SEL1L3: variants seen among roughly 807,000 people sequenced by gnomAD.
SEL1L3 encodes the protein SEL1L family member 3.
SEL1L3 carries 76 observed loss-of-function variants against 142.8 expected under a neutral mutation model. The ratio of observed to expected loss-of-function variants is 0.53; its 90% CI spans 0.44 to 0.64. The LOEUF (loss-of-function observed/expected upper bound fraction) is 0.64, where lower values mean the gene tolerates loss of function less well. SEL1L3 is among the 30% of genes least tolerant of loss of function. SEL1L3 has a pLI of 0.00. For synonymous variants in SEL1L3, 504 were observed against 519.6 expected, an observed-to-expected ratio of 0.97 and a Z score of 0.41; for missense variants, 1,262 against 1,381.7, an observed-to-expected ratio of 0.91 and a Z score of 1.37.
chr4:25,779,204 C>G lies in SEL1L3; in HGVS notation c.2458-1G>C. On this transcript the variant is annotated splice_acceptor_variant, in intron 15 of 23. Coordinates refer to ENST00000399878, the MANE Select transcript of SEL1L3 (RefSeq NM_015187.5). LOFTEE classifies it high-confidence loss of function. ...TATGGAAATATTCACCAGCTAAAGT[C>G]TGTAACAAGAGATGAACAAACATCG... The G allele has an allele frequency of 6.2e-7, 1 of 1,612,890 alleles. No homozygotes were observed. The highest frequency in any genetic ancestry group is 8.5e-7 in the Non-Finnish European group (1 of 1,179,256).
chr4:25,762,755 G>A (rs557896723), intron 20 of SEL1L3, among the ~76,000 whole-genome samples: 6 of 152,144 alleles, frequency 3.9e-5, no homozygotes, highest in Admixed American at 2.6e-4. Flanking sequence ...CAAGGTGGGC[G>A]GATCACGAGG....
intron 4 of SEL1L3, 60 bp downstream of exon 4, chr4:25,833,388 T>C: frequency 1.3e-6 from 2 of 1,500,098 alleles, no homozygotes; most frequent in Non-Finnish European, 1.8e-6. Context: ...GACATATCTG[T>C]CACTAGGCAG....
At chr4:25,782,058 C>T (rs372269831) in intron 15 of SEL1L3, among the ~76,000 whole-genome samples, 184 bp downstream of exon 15, 3 of 152,332 alleles carry the variant, frequency 2.0e-5, no homozygotes, top group African/African-American at 7.2e-5. Context: ...TTGCCACACA[C>T]TTGGCACTTG....
chr4:25,839,841 G>C (rs1015038513), intron 2 of SEL1L3, among the ~76,000 whole-genome samples: 1 of 152,084 alleles, frequency 6.6e-6, no homozygotes, highest in Non-Finnish European at 1.5e-5. Flanking sequence ...GAGCACTTCC[G>C]GGCAGGCATA....
At position 25,788,532 on chromosome 4, in the gene SEL1L3, T is replaced by C. The variant is rs1712029359; in HGVS notation, c.2077-168A>G. ...GGCCAGAGCCCTGAATGTGGACTTA[T>C]GTAAATACAAGCCCTTAATGCAAGC... On this transcript the variant is annotated intron_variant, in intron 12 of 23. Transcript: ENST00000399878. This position sits in a 1 kb window ranked among gnomAD's most constrained non-coding sequence, Gnocchi z 5.3. 6.6e-6 allele frequency among the ~76,000 whole-genome samples: 1 copy of C among 152,036 alleles called. No individual in the cohort carries two copies. The highest frequency in any genetic ancestry group is 1.5e-5 in the Non-Finnish European group (1 of 68,008).
intron 23 of SEL1L3, among the ~76,000 whole-genome samples, chr4:25,749,299 G>T (rs967812800): frequency 2.6e-5 from 4 of 151,966 alleles, no homozygotes; most frequent in Admixed American, 6.6e-5. Flanking sequence ...ACTAAGGCAT[G>T]TATTTTCAAG....
At chr4:25,853,542 A>G (rs2109319318) in intron 1 of SEL1L3, among the ~76,000 whole-genome samples, 1 of 152,282 alleles carries the variant, frequency 6.6e-6, no homozygotes, top group East Asian at 1.9e-4. Context: ...CTTTGTATAA[A>G]AAAAAGGGCT....
chr4:25,810,492 AG>A (rs1332749410), intron 9 of SEL1L3, among the ~76,000 whole-genome samples: 6 of 152,218 alleles, frequency 3.9e-5, no homozygotes, highest in Admixed American at 2.6e-4. Flanking sequence ...AGAAAGTAAA[AG>A]AAGGAAATGG....
At chr4:25,862,319 G>T (rs1717771295) in intron 1 of SEL1L3, among the ~76,000 whole-genome samples, 2 of 150,496 alleles carry the variant, frequency 1.3e-5, no homozygotes, top group African/African-American at 2.4e-5. Context: ...GGGTTGGGGG[G>T]TGCTGGAGAC....
At chr4:25,837,135 G>A (rs1401392262) in intron 2 of SEL1L3, among the ~76,000 whole-genome samples, 1 of 151,676 alleles carries the variant, frequency 6.6e-6, no homozygotes, top group Admixed American at 6.6e-5. Flanking sequence ...CTATGACGGG[G>A]GTGGTGAGAG....
chr4:25,755,291 TG>T (rs1259510521), intron 23 of SEL1L3, among the ~76,000 whole-genome samples: 1 of 149,482 alleles, frequency 6.7e-6, no homozygotes, highest in Non-Finnish European at 1.5e-5. Context: ...ATTTTAGAAA[TG>T]GGGTCTCGCT....
intron 20 of SEL1L3, among the ~76,000 whole-genome samples, chr4:25,764,160 T>C (rs1237251660): frequency 1.3e-5 from 2 of 152,032 alleles, no homozygotes; most frequent in Admixed American, 1.3e-4. Context: ...CAGACCCAAA[T>C]CAACAGACAT....
In SEL1L3 at chr4:25,847,335, T is replaced by A; in HGVS notation, c.692A>T (p.Asn231Ile). ...CLEWNMGYIW[N>I]LRANRIPQCP... is the part of the protein sequence containing the mutation. ...CTGTGGAATCCTGTTTGCCCGAAGGTTCCAAATATAACCCATGTTCCACTC... is the reference window on the plus strand; with the variant it reads ...CTGTGGAATCCTGTTTGCCCGAAGGATCCAAATATAACCCATGTTCCACTC... Residue 231 changes from asparagine to isoleucine, a missense_variant, in exon 2 of 24, where the codon AAC becomes ATC. By Grantham distance (149) the Asn-to-Ile change is moderately radical. Transcript: ENST00000399878. 3 of 1,613,868 alleles carry A rather than the reference T, an allele frequency of 1.9e-6. No homozygotes were observed. Among genetic ancestry groups the A allele is most frequent in the Non-Finnish European group, 2.5e-6 (3 of 1,179,840 alleles).
At chr4:25,767,926 C>A in intron 17 of SEL1L3, 96 bp from the exon 18 acceptor site, 2 of 763,782 alleles carry the variant, frequency 2.6e-6, no homozygotes, top group South Asian at 1.9e-5. Flanking sequence ...ACAAAATAAG[C>A]AGTTTTTTTA....
chr4:25,819,795 G>C lies in SEL1L3; in HGVS notation c.1423+13C>G. On this transcript the variant is annotated intron_variant, in intron 8 of 23. Transcript: ENST00000399878. The stretch of plus-strand genomic sequence containing the variant: ...CAGAGCTTAAAACAGCTCCCCTGAA[G>C]CTCAACACTTACATGCTTCTTGTCT... 1.2e-6 allele frequency: 2 copies of C among 1,606,892 alleles called. No individual in the cohort carries two copies. Among genetic ancestry groups the C allele is most frequent in the Non-Finnish European group, 1.7e-6 (2 of 1,176,928 alleles).
At chr4:25,732,760 CAG>C in the SEL1L3 span, among the ~76,000 whole-genome samples, 1 of 151,890 alleles carries the variant, frequency 6.6e-6, no homozygotes, top group Admixed American at 6.6e-5. Context: ...GGGAGTCGGA[CAG>C]AGTCTTGCTC....
rs1025129816 is a variant in SEL1L3, at chr4:25,801,402, C to CA, written c.1956+880dup. Among the ~76,000 whole-genome samples the CA allele has an allele frequency of 1.3e-4, 19 of 151,880 alleles. No individual in the cohort carries two copies. The East Asian group carries it at 1.5e-3, about 12-fold the overall frequency. On this transcript the variant is annotated intron_variant, in intron 11 of 23. Transcript: ENST00000399878. ...TGGTGGACAGAGTGAGACTCTGTCTCAAAAAAAACCAACAACTTATAAGAA... is the reference window on the plus strand; with the variant it reads ...TGGTGGACAGAGTGAGACTCTGTCTCAAAAAAAAACCAACAACTTATAAGAA...
At chr4:25,859,218 C>T (rs1355013586) in intron 1 of SEL1L3, among the ~76,000 whole-genome samples, 3 of 152,308 alleles carry the variant, frequency 2.0e-5, no homozygotes, top group South Asian at 2.1e-4. Context: ...ACTCAGCACC[C>T]GCGACCTCAG....
the SEL1L3 span, among the ~76,000 whole-genome samples, chr4:25,715,959 A>T: frequency 6.6e-6 from 1 of 152,172 alleles, no homozygotes; most frequent in Non-Finnish European, 1.5e-5. Context: ...CTTTTACTAT[A>T]TGCTCTTTTG....
Sources: allele counts gnomAD v4.1 joint callset (sites outside exome capture counted in the v4.1 genomes callset), GRCh38; gene constraint gnomAD v4.1.1; non-coding constraint Gnocchi (gnomAD v3.1); transcripts MANE v1.5; gene names NCBI Gene and HGNC (gene_info 2026-07-23, HGNC 2026-07-21).